The following SLC25A20 variants were observed in gnomAD, a reference collection of about 807,000 sequenced individuals.
SLC25A20 encodes solute carrier family 25 member 20.
Under a neutral mutation model 39.7 loss-of-function variants are expected in SLC25A20, and 29 were observed. That is an observed-to-expected ratio of 0.73 (90% CI 0.54 to 1.00). The LOEUF (loss-of-function observed/expected upper bound fraction) is 1.00, where lower values mean the gene tolerates loss of function less well. SLC25A20 is among the 50% of genes least tolerant of loss of function. The pLI is 0.00. For missense variants in SLC25A20, 333 were observed against 379.9 expected (o/e 0.88, Z 1.03); for synonymous variants, 103 against 142.2 (o/e 0.72, Z 1.96).
intron 4 of SLC25A20, among the ~76,000 whole-genome samples, chr3:48,872,461 G>A (rs544504944): frequency 6.6e-6 from 1 of 151,534 alleles, no homozygotes; most frequent in South Asian, 2.1e-4. Flanking sequence ...TGCAAACACA[G>A]TTCAGTGGAA....
At chr3:48,894,268 C>CTT (rs529100766) in intron 1 of SLC25A20, among the ~76,000 whole-genome samples, 1 of 115,022 alleles carries the variant, frequency 8.7e-6, no homozygotes. Context: ...ATTGGATTGT[C>CTT]TTTTTTTTTT....
At chr3:48,877,922 A>T (rs1164849952) in intron 4 of SLC25A20, among the ~76,000 whole-genome samples, 2 of 152,112 alleles carry the variant, frequency 1.3e-5, no homozygotes, top group African/African-American at 2.4e-5. Context: ...TTGGTTTGTT[A>T]TAATGTACTA....
At chr3:48,881,014 T>C (rs924219020) in intron 3 of SLC25A20, among the ~76,000 whole-genome samples, 3 of 152,214 alleles carry the variant, frequency 2.0e-5, no homozygotes, top group Non-Finnish European at 4.4e-5. Flanking sequence ...CGGTGCACTC[T>C]TGACCCCAAG....
At chr3:48,894,435 A>ATTT (rs781601028) in intron 1 of SLC25A20, among the ~76,000 whole-genome samples, 3 of 118,492 alleles carry the variant, frequency 2.5e-5, no homozygotes, top group Admixed American at 8.4e-5. Context: ...TAACTTTTGC[A>ATTT]TTTTTTTTTT....
Position 48,891,971 on chromosome 3 carries a change from T to C in SLC25A20, c.198+9A>G, listed in dbSNP as rs896736499. On this transcript the variant is annotated intron_variant, in intron 2 of 8. Transcript: ENST00000319017. ...TGAGTAAGAGGAATGCCCAGCACCATATACCAACCTCTCTAAAAAGAGTCT... is the reference window on the plus strand; with the variant it reads ...TGAGTAAGAGGAATGCCCAGCACCACATACCAACCTCTCTAAAAAGAGTCT... 10 of 1,604,568 alleles carry C rather than the reference T, an allele frequency of 6.2e-6. No homozygotes were observed. The highest frequency in any genetic ancestry group is 8.5e-6 in the Non-Finnish European group (10 of 1,171,426).
At chr3:48,866,302 C>G (rs921096118) in intron 4 of SLC25A20, among the ~76,000 whole-genome samples, 2 of 151,976 alleles carry the variant, frequency 1.3e-5, no homozygotes, top group African/African-American at 4.8e-5. Context: ...GTCTGTAATC[C>G]CAGCACTTTG....
At position 48,880,497 on chromosome 3, in the gene SLC25A20, G is replaced by A. The variant is rs529577912; in HGVS notation, c.327-1049C>T. 3.3e-4 allele frequency among the ~76,000 whole-genome samples: 50 copies of A among 150,304 alleles called. 1 individual carries two copies. Among genetic ancestry groups the A allele is most frequent in the Admixed American group, 1.9e-3 (28 of 14,992 alleles). ...TCACTATGTTAGCTAAGATGGTCTC[G>A]AACTCCTGACCTCAAGTGATCCACC... On this transcript the variant is annotated intron_variant, in intron 3 of 8. Coordinates refer to ENST00000319017, the MANE Select transcript of SLC25A20 (RefSeq NM_000387.6).
chr3:48,888,491 A>G (rs1227083017), intron 2 of SLC25A20, among the ~76,000 whole-genome samples: 1 of 151,032 alleles, frequency 6.6e-6, no homozygotes, highest in East Asian at 1.9e-4. Context: ...AATCACTTGA[A>G]CCCGGGAGGC....
chr3:48,869,813 G>GA (rs1354496602), intron 4 of SLC25A20, among the ~76,000 whole-genome samples: 1 of 151,920 alleles, frequency 6.6e-6, no homozygotes, highest in Non-Finnish European at 1.5e-5. Context: ...TCTGTCTCTA[G>GA]AAAAAAGAGA....
chr3:48,859,837 G>T (rs144635103), intron 5 of SLC25A20, among the ~76,000 whole-genome samples: 1 of 152,118 alleles, frequency 6.6e-6, no homozygotes, highest in South Asian at 2.1e-4. Context: ...AAACATTAGC[G>T]TATGGTAGTA....
chr3:48,883,211 A>T (rs1423650840), intron 3 of SLC25A20, among the ~76,000 whole-genome samples: 2 of 151,378 alleles, frequency 1.3e-5, no homozygotes, highest in African/African-American at 4.8e-5. Context: ...ACAAAAAAAA[A>T]TTTAAAATTA....
At chr3:48,859,270 G>A (rs934687715) in intron 6 of SLC25A20, 69 bp from the exon 7 acceptor site, 3 of 1,412,426 alleles carry the variant, frequency 2.1e-6, no homozygotes, top group Non-Finnish European at 3.0e-6. Flanking sequence ...TATCCTGCCT[G>A]TGGCAGACAG....
At chr3:48,876,612 G>A (rs929768864) in intron 4 of SLC25A20, among the ~76,000 whole-genome samples, 5 of 151,248 alleles carry the variant, frequency 3.3e-5, no homozygotes, top group Non-Finnish European at 7.4e-5. Flanking sequence ...TTTTAGTAGA[G>A]ACGGGGTTTC....
At chr3:48,864,067 C>T (rs1460083156) in intron 4 of SLC25A20, among the ~76,000 whole-genome samples, 26 of 150,264 alleles carry the variant, frequency 1.7e-4, no homozygotes, top group Admixed American at 1.7e-3. Flanking sequence ...CAATAAAAGC[C>T]GGGCACGGTG....
At chr3:48,893,475 A>G (rs1390607294) in intron 1 of SLC25A20, among the ~76,000 whole-genome samples, 2 of 152,030 alleles carry the variant, frequency 1.3e-5, no homozygotes, top group East Asian at 3.9e-4. Context: ...GTTCAAGATT[A>G]CAGAAAACTG....
Position 48,857,569 on chromosome 3 carries a change from G to T in SLC25A20, c.*141C>A. The T allele has an allele frequency of 5.4e-6, 4 of 738,770 alleles. No individual in the cohort carries two copies. Among genetic ancestry groups the T allele is most frequent in the Non-Finnish European group, 9.7e-6 (4 of 410,532 alleles). 45.8% of individuals were successfully genotyped at this position (738,770 alleles called of 1,614,324 possible). ...GGTGCAGGATGTCATTAAGGCAACA[G>T]TCTCACCAAGTCCATGCACAGGGCT... On this transcript the variant is annotated 3_prime_UTR_variant, in exon 9 of 9. Coordinates refer to ENST00000319017, the MANE Select transcript of SLC25A20 (RefSeq NM_000387.6).
intron 4 of SLC25A20, among the ~76,000 whole-genome samples, chr3:48,871,294 C>T (rs907591241): frequency 6.8e-6 from 1 of 146,866 alleles, no homozygotes; most frequent in Non-Finnish European, 1.5e-5. Flanking sequence ...CTACAATTTA[C>T]GTGGAAAGAC....
chr3:48,862,734 G>A, intron 4 of SLC25A20, 75 bp from the exon 5 acceptor site: 2 of 913,828 alleles, frequency 2.2e-6, no homozygotes, highest in Non-Finnish European at 3.7e-6. Flanking sequence ...AGACTACAAA[G>A]TAAGTATGGC....
At chr3:48,886,839 C>CA (rs2083832761) in intron 2 of SLC25A20, among the ~76,000 whole-genome samples, 1 of 151,988 alleles carries the variant, frequency 6.6e-6, no homozygotes, top group South Asian at 2.1e-4. Flanking sequence ...AAAACAAATA[C>CA]AAAAAAATTT....
Sources: allele counts gnomAD v4.1 joint callset (sites outside exome capture counted in the v4.1 genomes callset), GRCh38; gene constraint gnomAD v4.1.1; transcripts MANE v1.5; gene names NCBI Gene and HGNC (gene_info 2026-07-23, HGNC 2026-07-21).